SLC14A2: variants seen among roughly 807,000 people sequenced by gnomAD.
The protein encoded by SLC14A2 is urea transporter 2.
A neutral mutation model predicts 104.6 loss-of-function variants in SLC14A2; 91 were observed. The observed-to-expected ratio is 0.87, with a 90% CI of 0.73 to 1.04. SLC14A2 has a LOEUF of 1.04. Among genes scored for constraint, SLC14A2 ranks in the 50% least tolerant of loss-of-function variants. The probability of loss-of-function intolerance (pLI) is 0.00; values close to 1 mark genes in which losing one functional copy is unlikely to be tolerated. For synonymous variants in SLC14A2, 476 were observed against 466.4 expected (o/e 1.02, Z -0.27); for missense variants, 1,189 against 1,156.0 (o/e 1.03, Z -0.41).
intron 1 of SLC14A2, among the ~76,000 whole-genome samples, chr18:45,292,856 A>T (rs903471902): frequency 6.6e-6 from 1 of 152,182 alleles, no homozygotes; most frequent in Non-Finnish European, 1.5e-5. Context: ...TTTTTAATCA[A>T]TATTCAGGTA....
chr18:45,484,973 G>C (rs1466419375), intron 2 of SLC14A2, among the ~76,000 whole-genome samples: 2 of 152,128 alleles, frequency 1.3e-5, no homozygotes, highest in African/African-American at 4.8e-5. Context: ...CACAATTGCT[G>C]TTTCTTGTAA....
chr18:45,651,903 A>C (rs976593240), intron 10 of SLC14A2, among the ~76,000 whole-genome samples: 2 of 152,254 alleles, frequency 1.3e-5, no homozygotes, highest in Non-Finnish European at 2.9e-5. Flanking sequence ...GCTGGGGACC[A>C]ACATTATTCA....
chr18:45,357,838 C>T (rs1460065621), intron 1 of SLC14A2, among the ~76,000 whole-genome samples: 1 of 152,170 alleles, frequency 6.6e-6, no homozygotes, highest in Middle Eastern at 3.2e-3. Context: ...AGGAGACTTC[C>T]AGAAAGCCCC....
At chr18:45,613,225 G>C (rs1171563406), upstream of SLC14A2, among the ~76,000 whole-genome samples, 1 of 152,022 alleles carries the variant, frequency 6.6e-6, no homozygotes, top group Non-Finnish European at 1.5e-5. Context: ...TAGTAGAGAT[G>C]GGGTTTCACC....
intron 1 of SLC14A2, among the ~76,000 whole-genome samples, chr18:45,328,372 G>A (rs2085256704): frequency 1.3e-5 from 2 of 152,158 alleles, no homozygotes; most frequent in Admixed American, 1.3e-4. Flanking sequence ...GCCAGAGACA[G>A]GAATGATGGA....
chr18:45,412,008 C>T (rs1247650460), intron 1 of SLC14A2, among the ~76,000 whole-genome samples: 1 of 152,214 alleles, frequency 6.6e-6, no homozygotes, highest in Admixed American at 6.5e-5. Flanking sequence ...GGATTCCTTT[C>T]TCCTTCCATC....
intron 2 of SLC14A2, among the ~76,000 whole-genome samples, chr18:45,525,687 TATC>T (rs1374260794): frequency 1.3e-5 from 2 of 152,216 alleles, no homozygotes; most frequent in Non-Finnish European, 2.9e-5. Context: ...GCCCAGGAGT[TATC>T]ATCATCACAT....
the SLC14A2 span, among the ~76,000 whole-genome samples, chr18:45,172,161 C>A: frequency 1.3e-5 from 2 of 152,140 alleles, no homozygotes; most frequent in Non-Finnish European, 2.9e-5. Flanking sequence ...TTGCACTCCC[C>A]ACAGGGACCC....
intron 2 of SLC14A2, among the ~76,000 whole-genome samples, chr18:45,583,812 A>G (rs2044531427): frequency 6.6e-6 from 1 of 152,224 alleles, no homozygotes; most frequent in African/African-American, 2.4e-5. Flanking sequence ...TCACACTACC[A>G]TCCTGACCTC....
At chr18:45,490,886 T>C (rs755817120) in intron 2 of SLC14A2, among the ~76,000 whole-genome samples, 1 of 152,198 alleles carries the variant, frequency 6.6e-6, no homozygotes, top group Admixed American at 6.5e-5. Flanking sequence ...ACCTCACTGA[T>C]AATCAGGGAA....
chr18:45,202,030 A>T, the SLC14A2 span, among the ~76,000 whole-genome samples: 1 of 152,176 alleles, frequency 6.6e-6, no homozygotes, highest in Non-Finnish European at 1.5e-5. Flanking sequence ...TAACTTGGAG[A>T]TATACTAAAT....
Position 45,329,070 on chromosome 18 carries a change from G to A in SLC14A2, c.-125+115879G>A, listed in dbSNP as rs181950128. Among the ~76,000 whole-genome samples the A allele has an allele frequency of 1.5e-4, 23 of 152,176 alleles. No homozygotes were observed. The East Asian group carries it at 3.5e-3, about 23-fold the overall frequency. Reference sequence around the variant, plus strand: ...TCTACACTCTAATGGAGCATTCAAAGTGAAAGAAAAAAAGGAGACAAGTGA... The same window carrying A: ...TCTACACTCTAATGGAGCATTCAAAATGAAAGAAAAAAAGGAGACAAGTGA... On this transcript the variant is annotated intron_variant, in intron 1 of 20. Coordinates refer to the SLC14A2 transcript ENST00000586448.
At chr18:45,661,475 G>A (rs907612718) in intron 10 of SLC14A2, among the ~76,000 whole-genome samples, 2 of 152,210 alleles carry the variant, frequency 1.3e-5, no homozygotes, top group African/African-American at 2.4e-5. Flanking sequence ...CAGCATCAGG[G>A]TGGAAAGAGC....
At chr18:45,584,418 G>T (rs1024969145) in intron 2 of SLC14A2, among the ~76,000 whole-genome samples, 2 of 152,180 alleles carry the variant, frequency 1.3e-5, no homozygotes, top group African/African-American at 4.8e-5. Context: ...TTCCGGCTTT[G>T]TATGTGGGGT....
At chr18:45,285,983 G>T (rs2084811235) in intron 1 of SLC14A2, among the ~76,000 whole-genome samples, 1 of 152,206 alleles carries the variant, frequency 6.6e-6, no homozygotes, top group Non-Finnish European at 1.5e-5. Flanking sequence ...CCTGGACATT[G>T]CTAATTTTAA....
At chr18:45,641,590 A>T (rs2045529322) in intron 8 of SLC14A2, among the ~76,000 whole-genome samples, 1 of 152,240 alleles carries the variant, frequency 6.6e-6, no homozygotes, top group African/African-American at 2.4e-5. Context: ...AGGAAATCAC[A>T]TATGCATTTC....
chr18:45,604,679 C>T (rs2044841232), intron 2 of SLC14A2, among the ~76,000 whole-genome samples: 1 of 152,128 alleles, frequency 6.6e-6, no homozygotes. Context: ...GCAGTCACCC[C>T]CAATATGTTT....
intron 2 of SLC14A2, among the ~76,000 whole-genome samples, chr18:45,486,849 T>C (rs1003383562): frequency 2.6e-5 from 4 of 152,148 alleles, no homozygotes; most frequent in Non-Finnish European, 5.9e-5. Flanking sequence ...ATAGTTAGAA[T>C]GAAAAAATGT....
chr18:45,315,628 A>T (rs1245742232), intron 1 of SLC14A2, among the ~76,000 whole-genome samples: 1 of 152,190 alleles, frequency 6.6e-6, no homozygotes, highest in East Asian at 1.9e-4. Context: ...CCAGTAATAC[A>T]TGAGTACTCC....
Sources: allele counts gnomAD v4.1 joint callset (sites outside exome capture counted in the v4.1 genomes callset), GRCh38; gene constraint gnomAD v4.1.1; transcripts MANE v1.5; gene names NCBI Gene and HGNC (gene_info 2026-07-23, HGNC 2026-07-21).